PAK1: variants seen among roughly 807,000 people sequenced by gnomAD.
PAK1 encodes the protein p21 (RAC1) activated kinase 1.
In PAK1, 29 loss-of-function variants were observed where a neutral mutation model predicts 67.4. The observed-to-expected ratio is 0.43, with a 90% CI of 0.32 to 0.59. The LOEUF (loss-of-function observed/expected upper bound fraction) is 0.59, where lower values mean the gene tolerates loss of function less well. Among genes scored for constraint, PAK1 ranks in the 20% least tolerant of loss-of-function variants. The probability of loss-of-function intolerance (pLI) is 0.07; values close to 1 mark genes in which losing one functional copy is unlikely to be tolerated. For synonymous variants in PAK1, 223 were observed against 237.4 expected, an observed-to-expected ratio of 0.94 and a Z score of 0.56; for missense variants, 337 against 670.7, an observed-to-expected ratio of 0.50 and a Z score of 5.50.
chr11:77,325,848 A>G (rs1939689970), intron 14 of PAK1, among the ~76,000 whole-genome samples: 1 of 152,234 alleles, frequency 6.6e-6, no homozygotes, highest in Non-Finnish European at 1.5e-5. Context: ...TGATATTCCA[A>G]TGTGGGTTCT....
At chr11:77,506,320 T>C in the PAK1 span, among the ~76,000 whole-genome samples, 2 of 152,150 alleles carry the variant, frequency 1.3e-5, no homozygotes, top group African/African-American at 4.8e-5. Context: ...ATTACTCCCA[T>C]GTTATAGGTA....
the PAK1 span, among the ~76,000 whole-genome samples, chr11:77,481,790 T>C: frequency 6.6e-6 from 1 of 152,148 alleles, no homozygotes; most frequent in Non-Finnish European, 1.5e-5. Context: ...TTCACTATAT[T>C]GTGTCTTCCT....
At chr11:77,528,318 C>CA in the PAK1 span, among the ~76,000 whole-genome samples, 1 of 150,916 alleles carries the variant, frequency 6.6e-6, no homozygotes, top group Non-Finnish European at 1.5e-5. Context: ...ACATTATCTC[C>CA]AAAAAATAAC....
intron 5 of PAK1, among the ~76,000 whole-genome samples, chr11:77,369,020 A>G (rs757041424): frequency 2.6e-4 from 39 of 152,176 alleles, no homozygotes; most frequent in Non-Finnish European, 4.9e-4. Context: ...TTATAGTTAA[A>G]TGTTAGTTTG....
chr11:77,480,181 T>C, the PAK1 span, among the ~76,000 whole-genome samples: 1 of 152,232 alleles, frequency 6.6e-6, no homozygotes, highest in African/African-American at 2.4e-5. Flanking sequence ...TTGATCTTGC[T>C]ATTCACTCTG....
chr11:77,434,744 G>A (rs944999455), intron 1 of PAK1, among the ~76,000 whole-genome samples: 6 of 151,870 alleles, frequency 4.0e-5, no homozygotes, highest in Admixed American at 6.6e-5. Context: ...TCAGCCTCCC[G>A]AGTAGCTGGG....
chr11:77,471,223 G>T (rs1957837800), intron 1 of PAK1, among the ~76,000 whole-genome samples: 2 of 152,174 alleles, frequency 1.3e-5, no homozygotes, highest in African/African-American at 4.8e-5. Flanking sequence ...GGGATGTCAC[G>T]CAGTTAAGTG....
chr11:77,518,388 G>C, the PAK1 span, among the ~76,000 whole-genome samples: 1 of 152,184 alleles, frequency 6.6e-6, no homozygotes, highest in Admixed American at 6.5e-5. Flanking sequence ...CTAGAGAGGA[G>C]AGTGGTCACA....
chr11:77,332,371 A>AGGGAAG (rs1405563470), intron 14 of PAK1, among the ~76,000 whole-genome samples: 1 of 184 alleles, frequency 5.4e-3, no homozygotes, highest in Non-Finnish European at 0.014. Context: ...AGGGAAAGGA[A>AGGGAAG]GGGAAGGGAA....
intron 1 of PAK1, among the ~76,000 whole-genome samples, chr11:77,423,215 GA>G (rs940318286): frequency 4.0e-5 from 6 of 150,680 alleles, no homozygotes; most frequent in African/African-American, 1.5e-4. Flanking sequence ...GCAGAAGAAT[GA>G]AAAAGATCTG....
the PAK1 span, among the ~76,000 whole-genome samples, chr11:77,515,115 A>G: frequency 6.6e-6 from 1 of 152,224 alleles, no homozygotes; most frequent in Non-Finnish European, 1.5e-5. Context: ...CTTAGCTTTC[A>G]TAGGAATAAT....
At chr11:77,436,016 T>C (rs1211297270) in intron 1 of PAK1, among the ~76,000 whole-genome samples, 1 of 152,220 alleles carries the variant, frequency 6.6e-6, no homozygotes, top group Non-Finnish European at 1.5e-5. Context: ...AGTGCAGTTC[T>C]GAATAAAGAA....
chr11:77,415,792 ATTT>A (rs908955600), intron 1 of PAK1, among the ~76,000 whole-genome samples: 2 of 151,172 alleles, frequency 1.3e-5, no homozygotes, highest in African/African-American at 2.4e-5. Flanking sequence ...CTAAACTTAA[ATTT>A]TTTTTTCTTC....
chr11:77,444,232 T>C (rs1232756877), intron 1 of PAK1, among the ~76,000 whole-genome samples: 1 of 151,180 alleles, frequency 6.6e-6, no homozygotes, highest in Admixed American at 6.6e-5. Context: ...CCAGTTTCCT[T>C]CTTATTCTCC....
chr11:77,346,101 G>A (rs886196210), intron 9 of PAK1, among the ~76,000 whole-genome samples: 2 of 152,100 alleles, frequency 1.3e-5, no homozygotes, highest in African/African-American at 4.8e-5. Context: ...AGCCTCCCGT[G>A]TAGCTGGGAT....
chr11:77,347,484 T>A (rs1944610031), intron 9 of PAK1, among the ~76,000 whole-genome samples: 1 of 152,220 alleles, frequency 6.6e-6, no homozygotes, highest in African/African-American at 2.4e-5. Flanking sequence ...ATTACCTACC[T>A]CATAGAGTTC....
At chr11:77,441,647 G>C (rs1956360483) in intron 1 of PAK1, among the ~76,000 whole-genome samples, 1 of 152,204 alleles carries the variant, frequency 6.6e-6, no homozygotes, top group African/African-American at 2.4e-5. Context: ...AGTCCAGAGA[G>C]AGAACATGAC....
At chr11:77,519,414 G>A in the PAK1 span, among the ~76,000 whole-genome samples, 1 of 152,064 alleles carries the variant, frequency 6.6e-6, no homozygotes, top group Non-Finnish European at 1.5e-5. Context: ...TAGAAAATTA[G>A]TCCCAAAGGC....
chr11:77,486,221 G>T, the PAK1 span, among the ~76,000 whole-genome samples: 1 of 152,014 alleles, frequency 6.6e-6, no homozygotes, highest in Non-Finnish European at 1.5e-5. Context: ...ACTATTGCAG[G>T]CCGGCCATGT....
Sources: gnomAD v4.1 joint callset for allele counts (sites outside exome capture counted in the v4.1 genomes callset) on GRCh38, gnomAD v4.1.1 for gene constraint, MANE v1.5 for transcripts, NCBI Gene and HGNC (gene_info 2026-07-23, HGNC 2026-07-21) for gene names.